BDP1: variants seen among roughly 807,000 people sequenced by gnomAD.
BDP1 encodes the protein transcription factor TFIIIB component B'' homolog.
A neutral mutation model predicts 266.6 loss-of-function variants in BDP1; 169 were observed. That is an observed-to-expected ratio of 0.63 (90% CI 0.56 to 0.72). The LOEUF (loss-of-function observed/expected upper bound fraction) is 0.72. Among genes scored for constraint, BDP1 ranks in the 30% least tolerant of loss-of-function variants. The pLI is 0.00. For missense variants in BDP1, 3,015 were observed against 3,053.8 expected (o/e 0.99, Z 0.30); for synonymous variants, 1,090 against 1,022.4 (o/e 1.07, Z -1.26).
At chr5:71,554,510 A>G (rs1743083573) in intron 35 of BDP1, among the ~76,000 whole-genome samples, 1 of 152,222 alleles carries the variant, frequency 6.6e-6, no homozygotes, top group Non-Finnish European at 1.5e-5. Context: ...ATGTGCCCCC[A>G]TGTACCAGTC....
rs371933560 is a variant in BDP1, at chr5:71,510,626, A to G, written c.3534A>G (p.Arg1178=). 19 of 1,587,000 alleles carry G rather than the reference A, an allele frequency of 1.2e-5. No individual in the cohort carries two copies. The highest frequency in any genetic ancestry group is 1.6e-5 in the Non-Finnish European group (19 of 1,162,976). ...EMETDLKTTG[R]EGSSREKTRE... is the part of the protein sequence containing the mutation. ...AGACAGACTTGAAAACAACTGGAAG[A>G]GAGGGTTCCTCAAGGGAGAAGACAC... Residue 1178 remains arginine, a synonymous_variant, in exon 17 of 39, where the codon AGA becomes AGG. Coordinates refer to ENST00000358731, the MANE Select transcript of BDP1 (RefSeq NM_018429.3).
chr5:71,543,743 A>G (rs1189733526), intron 30 of BDP1, among the ~76,000 whole-genome samples: 2 of 152,230 alleles, frequency 1.3e-5, no homozygotes, highest in African/African-American at 4.8e-5. Flanking sequence ...TGTAATACAT[A>G]TCAAGCAATT....
intron 6 of BDP1, among the ~76,000 whole-genome samples, chr5:71,468,607 C>CTTTTTTT: frequency 7.4e-6 from 1 of 134,814 alleles, no homozygotes. Flanking sequence ...ACAATATTTC[C>CTTTTTTT]TTTTTTTTTT....
chr5:71,481,008 A>C (rs1762925718), intron 7 of BDP1, among the ~76,000 whole-genome samples: 1 of 152,084 alleles, frequency 6.6e-6, no homozygotes, highest in African/African-American at 2.4e-5. Context: ...CCCTGTCTCT[A>C]CTAAAAATGT....
chr5:71,504,238 A>C (rs2150449855), intron 15 of BDP1, among the ~76,000 whole-genome samples: 2 of 147,904 alleles, frequency 1.4e-5, no homozygotes, highest in African/African-American at 2.5e-5. Flanking sequence ...ATACCACTGC[A>C]CTCCAGCCTG....
At position 71,566,864 on chromosome 5, in the gene BDP1, A is replaced by G. The variant is rs1744063591; in HGVS notation, c.*1979A>G. ...AAGATATTTTAGAGTCTAGATAATT[A>G]TGTTTGTATATTGAAAAAATGGTGG... On this transcript the variant is annotated 3_prime_UTR_variant, in exon 39 of 39. Coordinates refer to ENST00000358731, the MANE Select transcript of BDP1 (RefSeq NM_018429.3). The G allele has an allele frequency of 6.6e-6, 1 of 152,222 alleles. No homozygotes were observed. The allele number at this position is 152,222 out of a possible 1,614,324, so 9.4% of individuals were successfully genotyped here.
At chr5:71,576,428 C>T in the BDP1 span, among the ~76,000 whole-genome samples, 1 of 152,226 alleles carries the variant, frequency 6.6e-6, no homozygotes, top group Admixed American at 6.5e-5. Context: ...AGTTCAAGCT[C>T]ACACATGGTT....
intron 25 of BDP1, among the ~76,000 whole-genome samples, chr5:71,530,746 T>C (rs1561757779): frequency 6.6e-6 from 1 of 152,132 alleles, no homozygotes; most frequent in Non-Finnish European, 1.5e-5. Context: ...AAATTTTGTA[T>C]CTGAGGAAAC....
In BDP1 at chr5:71,566,210, A is replaced by T. The variant is rs1340726111; in HGVS notation, c.*1325A>T. 1 of 153,114 alleles carries T rather than the reference A, an allele frequency of 6.5e-6. No homozygotes were observed. The highest frequency in any genetic ancestry group is 1.5e-5 in the Non-Finnish European group (1 of 68,416). The allele number at this position is 153,114 out of a possible 1,614,324, so 9.5% of individuals were successfully genotyped here. ...TTTATTTATGAGACAAAATTTCCATACAAAGCTCAATCTCCTTTATACACC... is the reference window on the plus strand; with the variant it reads ...TTTATTTATGAGACAAAATTTCCATTCAAAGCTCAATCTCCTTTATACACC... On this transcript the variant is annotated 3_prime_UTR_variant, in exon 39 of 39. Coordinates refer to ENST00000358731, the MANE Select transcript of BDP1 (RefSeq NM_018429.3).
intron 35 of BDP1, among the ~76,000 whole-genome samples, chr5:71,556,320 A>C (rs1292856778): frequency 6.6e-6 from 1 of 152,164 alleles, no homozygotes; most frequent in African/African-American, 2.4e-5. Context: ...TAATATTAAA[A>C]AGTGATCCAA....
At chr5:71,578,136 G>A in the BDP1 span, among the ~76,000 whole-genome samples, 1 of 152,282 alleles carries the variant, frequency 6.6e-6, no homozygotes, top group Admixed American at 6.5e-5. Context: ...GAGGAATGCA[G>A]TCTTGCAAGC....
chr5:71,552,998 C>T, intron 34 of BDP1, 118 bp from the exon 35 acceptor site: 4 of 856,570 alleles, frequency 4.7e-6, no homozygotes, highest in Non-Finnish European at 5.2e-6. Context: ...TTGGAATTTT[C>T]ATTGGAATAC....
At chr5:71,526,096 G>C (rs13175581) in intron 25 of BDP1, among the ~76,000 whole-genome samples, 2 of 152,200 alleles carry the variant, frequency 1.3e-5, no homozygotes, top group Non-Finnish European at 2.9e-5. Flanking sequence ...GCAGCTGGGA[G>C]GTGGGGGTTG....
chr5:71,546,267 T>G (rs943030505), intron 32 of BDP1, among the ~76,000 whole-genome samples: 2 of 152,172 alleles, frequency 1.3e-5, no homozygotes, highest in African/African-American at 4.8e-5. Flanking sequence ...TTTGATTCAT[T>G]AATTGTCAAT....
At chr5:71,514,670 A>G (rs1256116416) in intron 19 of BDP1, among the ~76,000 whole-genome samples, 1 of 152,092 alleles carries the variant, frequency 6.6e-6, no homozygotes, top group Non-Finnish European at 1.5e-5. Flanking sequence ...CCATCCCCTA[A>G]TGATATATCT....
In BDP1 at chr5:71,538,769, A is replaced by G. The variant is rs376672050; in HGVS notation, c.5893-273A>G. On this transcript the variant is annotated intron_variant, in intron 26 of 38. Transcript: ENST00000358731. ...ATGAAAATGAAGAAGTAAAGTAAGA[A>G]TGGTAGACGTACATAACAAAATGAT... Among the ~76,000 whole-genome samples the G allele has an allele frequency of 1.1e-4, 16 of 152,356 alleles. 1 individual carries two copies. The highest frequency in any genetic ancestry group is 3.6e-4 in the African/African-American group (15 of 41,580).
intron 22 of BDP1, among the ~76,000 whole-genome samples, chr5:71,520,466 A>G (rs946965094): frequency 2.6e-5 from 4 of 152,210 alleles, no homozygotes; most frequent in Admixed American, 1.3e-4. Flanking sequence ...GATTAGGTTG[A>G]TGATTGATCT....
chr5:71,567,847 TA>T (rs1049514680), downstream of BDP1: 5 of 152,156 alleles, frequency 3.3e-5, no homozygotes, highest in Non-Finnish European at 7.4e-5. Flanking sequence ...TTAAGATGAC[TA>T]AATAAAGAAT....
chr5:71,459,752 G>C (rs1215047647), intron 2 of BDP1, among the ~76,000 whole-genome samples: 3 of 152,146 alleles, frequency 2.0e-5, no homozygotes, highest in Admixed American at 6.5e-5. Flanking sequence ...GTGACCTTGG[G>C]TAATTTAATT....
Sources: allele counts gnomAD v4.1 joint callset (sites outside exome capture counted in the v4.1 genomes callset), GRCh38; gene constraint gnomAD v4.1.1; transcripts MANE v1.5; gene names NCBI Gene and HGNC (gene_info 2026-07-23, HGNC 2026-07-21).